CHD9: variants seen among roughly 807,000 people sequenced by gnomAD.
CHD9 encodes chromodomain helicase DNA binding protein 9.
A neutral mutation model predicts 316.1 loss-of-function variants in CHD9; 77 were observed. That is an observed-to-expected ratio of 0.24 (90% CI 0.20 to 0.29). The LOEUF is 0.29. Ranked by LOEUF, CHD9 falls within the 10% of genes least tolerant of loss-of-function variation. The pLI is 1.00. For missense variants in CHD9, 2,763 were observed against 3,438.1 expected (o/e 0.80, Z 4.91); for synonymous variants, 1,129 against 1,158.3 (o/e 0.97, Z 0.51).
chr16:53,300,141 C>T (rs1209882508), intron 30 of CHD9, among the ~76,000 whole-genome samples: 3 of 152,098 alleles, frequency 2.0e-5, no homozygotes, highest in Non-Finnish European at 4.4e-5. Flanking sequence ...ATCACAAGGT[C>T]AGGAGTTCGA....
intron 36 of CHD9, among the ~76,000 whole-genome samples, chr16:53,315,374 T>C (rs750127802): frequency 1.5e-4 from 23 of 152,206 alleles, no homozygotes; most frequent in Non-Finnish European, 3.1e-4. Flanking sequence ...ATAGTAAACA[T>C]GTATTGAAAC....
intron 38 of CHD9, among the ~76,000 whole-genome samples, chr16:53,323,448 A>G (rs1262502758): frequency 6.6e-6 from 1 of 152,208 alleles, no homozygotes; most frequent in Non-Finnish European, 1.5e-5. Flanking sequence ...AGTAGCATAG[A>G]TTGTTTTCTG....
At position 53,266,478 on chromosome 16, in the gene CHD9, A is replaced by G. The variant is rs2051708343; in HGVS notation, c.4321-816A>G. On this transcript the variant is annotated intron_variant, in intron 20 of 38. Coordinates refer to ENST00000447540, the MANE Select transcript of CHD9 (RefSeq NM_001308319.2). ...TACTTGTAATGCTATCTCTTCCCTC[A>G]CTGCCTGGCAAACTACTTCTAATAC... is the stretch of plus-strand genomic sequence containing the variant. Among the ~76,000 whole-genome samples the G allele has an allele frequency of 2.0e-5, 3 of 152,210 alleles. No individual in the cohort carries two copies. In the South Asian group the frequency reaches 6.2e-4, roughly 32 times the overall value.
chr16:53,146,419 G>GTGTGTGTGTGTGTA (rs1555492145), intron 1 of CHD9, among the ~76,000 whole-genome samples: 1 of 76,714 alleles, frequency 1.3e-5, no homozygotes, highest in African/African-American at 5.9e-5. Flanking sequence ...GTGTGTGTAT[G>GTGTGTGTGTGTGTA]TATATATATA....
At chr16:53,228,688 A>G (rs368282511) in intron 7 of CHD9, among the ~76,000 whole-genome samples, 15 of 152,232 alleles carry the variant, frequency 9.9e-5, no homozygotes, top group East Asian at 3.9e-4. Flanking sequence ...GATAATGACA[A>G]AACTGTTATA....
rs954526227 is a variant in CHD9, at chr16:53,212,439, A to G, written c.1784+2626A>G. 4.6e-5 allele frequency among the ~76,000 whole-genome samples: 7 copies of G among 152,070 alleles called. 1 individual carries two copies. The highest frequency in any genetic ancestry group is 3.3e-4 in the Admixed American group (5 of 15,268). ...AAAAAAATTTTTTTTAAAGTAACTAAATTTGTAAACAATAATTTATGGTTG... is the reference window on the plus strand; with the variant it reads ...AAAAAAATTTTTTTTAAAGTAACTAGATTTGTAAACAATAATTTATGGTTG... On this transcript the variant is annotated intron_variant, in intron 3 of 38. Coordinates refer to ENST00000447540, the MANE Select transcript of CHD9 (RefSeq NM_001308319.2).
chr16:53,273,107 A>C (rs1033578641), intron 22 of CHD9, among the ~76,000 whole-genome samples: 1 of 152,008 alleles, frequency 6.6e-6, no homozygotes, highest in Non-Finnish European at 1.5e-5. Flanking sequence ...AAACAAAACA[A>C]CAAAAAAAAA....
chr16:53,321,426 T>G, intron 37 of CHD9, 100 bp from the exon 38 acceptor site: 2 of 1,397,756 alleles, frequency 1.4e-6, no homozygotes, highest in Non-Finnish European at 1.9e-6. Flanking sequence ...TCAAAAAATA[T>G]GTATTTTAAG....
chr16:53,060,347 C>T (rs1596836542), intron 1 of CHD9, among the ~76,000 whole-genome samples: 1 of 152,116 alleles, frequency 6.6e-6, no homozygotes, highest in East Asian at 1.9e-4. Flanking sequence ...GGTGCAGTGG[C>T]TCATGCCTGT....
intron 1 of CHD9, among the ~76,000 whole-genome samples, chr16:53,136,107 A>G (rs1241700419): frequency 6.6e-6 from 1 of 152,172 alleles, no homozygotes; most frequent in Non-Finnish European, 1.5e-5. Flanking sequence ...TTCAGTCATT[A>G]CTAGCTATTA....
intron 1 of CHD9, among the ~76,000 whole-genome samples, chr16:53,143,418 C>T (rs1374658460): frequency 6.7e-6 from 1 of 148,558 alleles, no homozygotes; most frequent in Non-Finnish European, 1.5e-5. Flanking sequence ...GGCAGATACT[C>T]GCTCTGTCGC....
At chr16:53,124,740 A>G (rs2038895177) in intron 1 of CHD9, among the ~76,000 whole-genome samples, 1 of 151,996 alleles carries the variant, frequency 6.6e-6, no homozygotes, top group Non-Finnish European at 1.5e-5. Flanking sequence ...TCGGCCTCCC[A>G]AAGTGCTGGG....
chr16:53,094,708 T>C (rs187172783), intron 1 of CHD9, among the ~76,000 whole-genome samples: 1 of 151,470 alleles, frequency 6.6e-6, no homozygotes. Context: ...GGTGTGATCT[T>C]GGCTCACTGA....
intron 3 of CHD9, among the ~76,000 whole-genome samples, chr16:53,213,495 T>C (rs1288938241): frequency 6.6e-6 from 1 of 152,180 alleles, no homozygotes; most frequent in Non-Finnish European, 1.5e-5. Flanking sequence ...GGTTAAATAT[T>C]AAATGATACC....
intron 3 of CHD9, among the ~76,000 whole-genome samples, chr16:53,219,183 A>G (rs1187243134): frequency 6.6e-6 from 1 of 152,132 alleles, no homozygotes; most frequent in African/African-American, 2.4e-5. Context: ...AATATTAGTA[A>G]ACTTGCACTG....
At position 53,245,022 on chromosome 16, in the gene CHD9, A is replaced by C. The variant is rs2152955505; in HGVS notation, c.3055-314A>C. 6.6e-6 allele frequency among the ~76,000 whole-genome samples: 1 copy of C among 152,198 alleles called. No homozygotes were observed. The highest frequency in any genetic ancestry group is 2.1e-4 in the South Asian group (1 of 4,814). On this transcript the variant is annotated intron_variant, in intron 13 of 38. Coordinates refer to ENST00000447540, the MANE Select transcript of CHD9 (RefSeq NM_001308319.2). This position sits in a 1 kb window ranked among gnomAD's most constrained non-coding sequence, Gnocchi z 4.1. ...TCCTAGCTACTCGGGAGTCTGAGGCAGGAGGATCCCTTAAGCCCAGGAGTT... is the reference window on the plus strand; with the variant it reads ...TCCTAGCTACTCGGGAGTCTGAGGCCGGAGGATCCCTTAAGCCCAGGAGTT...
At chr16:53,158,633 G>T (rs528850065) in intron 2 of CHD9, among the ~76,000 whole-genome samples, 1 of 150,436 alleles carries the variant, frequency 6.6e-6, no homozygotes, top group African/African-American at 2.4e-5. Flanking sequence ...ACTTTTTTTT[G>T]TTTTTTTTTA....
chr16:53,252,083 C>T (rs1253012490), intron 17 of CHD9, among the ~76,000 whole-genome samples: 2 of 151,958 alleles, frequency 1.3e-5, no homozygotes, highest in Admixed American at 6.6e-5. Context: ...AAAAAGAGCC[C>T]GCATAGCCAA....
chr16:53,119,168 G>A (rs1429826784), intron 1 of CHD9, among the ~76,000 whole-genome samples: 2 of 152,218 alleles, frequency 1.3e-5, no homozygotes, highest in African/African-American at 4.8e-5. Flanking sequence ...CGATGAATAT[G>A]TTTATTACCA....
Sources: allele counts gnomAD v4.1 joint callset (sites outside exome capture counted in the v4.1 genomes callset), GRCh38; gene constraint gnomAD v4.1.1; non-coding constraint Gnocchi (gnomAD v3.1); transcripts MANE v1.5; gene names NCBI Gene and HGNC (gene_info 2026-07-23, HGNC 2026-07-21).